Variants in STK32B observed in about 807,000 individuals in gnomAD.
The protein encoded by STK32B is serine/threonine kinase 32B, also known as serine/threonine-protein kinase 32B.
STK32B carries 43 observed loss-of-function variants against 52.6 expected under a neutral mutation model. The ratio of observed to expected loss-of-function variants is 0.82; its 90% CI spans 0.64 to 1.05. The LOEUF (loss-of-function observed/expected upper bound fraction) is 1.05, where lower values mean the gene tolerates loss of function less well. Ranked by LOEUF, STK32B falls within the 50% of genes least tolerant of loss-of-function variation. The pLI is 0.00. For synonymous variants in STK32B, 238 were observed against 204.3 expected (o/e 1.17, Z -1.41); for missense variants, 621 against 534.6 (o/e 1.16, Z -1.59).
intron 11 of STK32B, among the ~76,000 whole-genome samples, chr4:5,497,624 C>T (rs966522824): frequency 6.6e-6 from 1 of 152,216 alleles, no homozygotes; most frequent in African/African-American, 2.4e-5. Flanking sequence ...TTATGAAACA[C>T]AGTGTTGCTG....
At chr4:5,270,947 C>T (rs1028634377) in intron 3 of STK32B, among the ~76,000 whole-genome samples, 2 of 152,064 alleles carry the variant, frequency 1.3e-5, no homozygotes, top group African/African-American at 4.8e-5. Context: ...CACCCCCCGC[C>T]CCTCCCGCCC....
intron 3 of STK32B, among the ~76,000 whole-genome samples, chr4:5,316,774 T>A (rs865947886): frequency 0.076 from 460 of 6,060 alleles, 51 homozygotes; most frequent in African/African-American, 0.2. Flanking sequence ...ATTATATATA[T>A]TATATATTAT....
At chr4:5,120,181 G>C (rs2108810117) in intron 1 of STK32B, among the ~76,000 whole-genome samples, 1 of 152,308 alleles carries the variant, frequency 6.6e-6, no homozygotes, top group East Asian at 1.9e-4. Flanking sequence ...GGTAATCATT[G>C]ACGTAATCTG....
intron 3 of STK32B, among the ~76,000 whole-genome samples, chr4:5,242,398 T>C (rs965743028): frequency 2.0e-5 from 3 of 152,224 alleles, no homozygotes; most frequent in African/African-American, 7.2e-5. Context: ...TCTGTTCATA[T>C]CCTTTGCCCA....
At chr4:5,458,284 ATGGAGCTGAGTCTTGTG>A (rs1716738345) in intron 8 of STK32B, among the ~76,000 whole-genome samples, 1 of 151,964 alleles carries the variant, frequency 6.6e-6, no homozygotes, top group South Asian at 2.1e-4. Flanking sequence ...TGAGTCTTGC[ATGGAGCTGAGTCTTGTG>A]TGAGGTTGGC....
At chr4:5,428,512 A>T (rs1349536702) in intron 6 of STK32B, among the ~76,000 whole-genome samples, 1 of 152,222 alleles carries the variant, frequency 6.6e-6, no homozygotes, top group Non-Finnish European at 1.5e-5. Context: ...TGATCAGAGA[A>T]AATATTTTGT....
At chr4:5,065,958 A>G (rs190101726) in intron 1 of STK32B, among the ~76,000 whole-genome samples, 3 of 152,266 alleles carry the variant, frequency 2.0e-5, no homozygotes, top group African/African-American at 7.2e-5. Context: ...TCCTGGCCTC[A>G]AGTGATCTGC....
At chr4:5,129,561 C>T (rs1455279899) in intron 1 of STK32B, among the ~76,000 whole-genome samples, 2 of 152,212 alleles carry the variant, frequency 1.3e-5, no homozygotes, top group African/African-American at 2.4e-5. Context: ...CCTATTCTCA[C>T]CTATTTATTC....
At chr4:5,343,192 ATG>A (rs769399715) in intron 4 of STK32B, among the ~76,000 whole-genome samples, 34 of 148,818 alleles carry the variant, frequency 2.3e-4, no homozygotes, top group Middle Eastern at 7.2e-3. Context: ...GAGTGAGAAC[ATG>A]TGGTGTTTGG....
chr4:5,486,295 C>T (rs1214815672), intron 11 of STK32B, among the ~76,000 whole-genome samples: 1 of 152,172 alleles, frequency 6.6e-6, no homozygotes, highest in Non-Finnish European at 1.5e-5. Flanking sequence ...GGCGGGCGCC[C>T]CACCCCCAAC....
In STK32B at chr4:5,453,952, G is replaced by T. The variant is rs1716261352; in HGVS notation, c.667-2855G>T. ...GAACTCAGCCCCAGCTCATCTCCCA[G>T]TGGTAGCCCTGAGCTCTGGGTCTCC... On this transcript the variant is annotated intron_variant, in intron 7 of 11. Transcript: ENST00000282908. The surrounding 1 kb of genome is among the most constrained non-coding windows in gnomAD (Gnocchi z 4.0). Among the ~76,000 whole-genome samples, 1 of 151,784 alleles carries T rather than the reference G, an allele frequency of 6.6e-6. No individual in the cohort carries two copies. The highest frequency in any genetic ancestry group is 2.1e-4 in the South Asian group (1 of 4,818).
At chr4:5,078,567 C>A (rs977673837) in intron 1 of STK32B, among the ~76,000 whole-genome samples, 1 of 152,128 alleles carries the variant, frequency 6.6e-6, no homozygotes, top group Non-Finnish European at 1.5e-5. Context: ...TACGTCCGAA[C>A]CTGTCTGAGC....
chr4:5,060,127 C>T (rs115859004), intron 1 of STK32B, among the ~76,000 whole-genome samples: 3,615 of 152,160 alleles, frequency 0.024, 141 homozygotes, highest in African/African-American at 0.082. Context: ...CCCCTACGCC[C>T]GGCTAATTTT....
chr4:5,352,256 A>G (rs910769839), intron 4 of STK32B, among the ~76,000 whole-genome samples: 1 of 152,140 alleles, frequency 6.6e-6, no homozygotes, highest in Non-Finnish European at 1.5e-5. Context: ...ATGATCAAGT[A>G]GAATTTATCT....
intron 4 of STK32B, among the ~76,000 whole-genome samples, chr4:5,391,444 A>G (rs747340804): frequency 2.0e-5 from 3 of 152,156 alleles, no homozygotes; most frequent in Non-Finnish European, 2.9e-5. Flanking sequence ...GTATTTCTAA[A>G]TAAGATCACA....
At chr4:5,034,293 T>C in the STK32B span, among the ~76,000 whole-genome samples, 32 of 152,342 alleles carry the variant, frequency 2.1e-4, no homozygotes, top group Admixed American at 2.0e-3. Context: ...TAATCCTGCC[T>C]TTCTCACCAA....
chr4:5,142,279 C>T (rs1716534943), intron 2 of STK32B, among the ~76,000 whole-genome samples: 1 of 152,232 alleles, frequency 6.6e-6, no homozygotes. Flanking sequence ...GGAAAAATCT[C>T]TTCTTCCCTG....
intron 3 of STK32B, among the ~76,000 whole-genome samples, chr4:5,193,199 C>T (rs1415651127): frequency 6.6e-6 from 1 of 152,142 alleles, no homozygotes; most frequent in African/African-American, 2.4e-5. Flanking sequence ...GAACCTGACC[C>T]TTAAGAGCAT....
At chr4:5,183,916 T>C (rs1720545838) in intron 3 of STK32B, among the ~76,000 whole-genome samples, 1 of 152,186 alleles carries the variant, frequency 6.6e-6, no homozygotes, top group Non-Finnish European at 1.5e-5. Flanking sequence ...GGGAACTTGC[T>C]CTGGATTAGG....
Sources: gnomAD v4.1 joint callset for allele counts (sites outside exome capture counted in the v4.1 genomes callset) on GRCh38, gnomAD v4.1.1 for gene constraint, Gnocchi (gnomAD v3.1) non-coding constraint, MANE v1.5 for transcripts, NCBI Gene and HGNC (gene_info 2026-07-23, HGNC 2026-07-21) for gene names.